UBQLN1: variants seen among roughly 807,000 people sequenced by gnomAD.
UBQLN1 encodes the protein ubiquilin-1.
In UBQLN1, 13 loss-of-function variants were observed where a neutral mutation model predicts 65.4. The observed-to-expected ratio is 0.20, with a 90% confidence interval of 0.13 to 0.32. The LOEUF is 0.32. Among genes scored for constraint, UBQLN1 ranks in the 10% least tolerant of loss-of-function variants. UBQLN1 has a pLI of 1.00. For synonymous variants in UBQLN1, 267 were observed against 247.8 expected (o/e 1.08, Z -0.73); for missense variants, 561 against 724.0 (o/e 0.77, Z 2.58).
Position 83,707,581 on chromosome 9 carries a change from C to A in UBQLN1, c.99G>T (p.Glu33Asp). The A allele has an allele frequency of 6.2e-7, 1 of 1,608,048 alleles. No homozygotes were observed. The highest frequency in any genetic ancestry group is 8.5e-7 in the Non-Finnish European group (1 of 1,177,656). Reference sequence around the variant, plus strand: ...TCACGGTGACTTTCATGATTTTGGGCTCCGCGGAGGCAGCGGCCGCGGGGG... The same window carrying A: ...TCACGGTGACTTTCATGATTTTGGGATCCGCGGAGGCAGCGGCCGCGGGGG... Reference protein sequence around the residue: ...AGAPAAAASAEPKIMKVTVKT... With the variant: ...AGAPAAAASADPKIMKVTVKT... The change falls in exon 1 of 11, where the codon GAG becomes GAT. Residue 33 changes from glutamate to aspartate, a missense_variant. This residue lies in a region of UBQLN1 where 101 missense variants were observed against 104.9 expected (regional missense o/e 0.96). Transcript: ENST00000376395.
At chr9:83,682,150 T>C (rs760201921) in intron 3 of UBQLN1, among the ~76,000 whole-genome samples, 1 of 152,050 alleles carries the variant, frequency 6.6e-6, no homozygotes, top group African/African-American at 2.4e-5. Flanking sequence ...CCGGGCGTAG[T>C]GGCACACTCC....
At chr9:83,669,863 C>T (rs1197415055) in intron 6 of UBQLN1, among the ~76,000 whole-genome samples, 1 of 152,152 alleles carries the variant, frequency 6.6e-6, no homozygotes, top group Non-Finnish European at 1.5e-5. Flanking sequence ...AGCACAGTGA[C>T]TCCAAGCAGT....
intron 4 of UBQLN1, among the ~76,000 whole-genome samples, 169 bp from the exon 5 acceptor site, chr9:83,678,768 G>T (rs1302673225): frequency 2.0e-5 from 3 of 152,006 alleles, no homozygotes; most frequent in Admixed American, 1.3e-4. Context: ...CCAGGCTGGA[G>T]TGCAGTGGCA....
At chr9:83,697,722 T>C (rs1832241789) in intron 1 of UBQLN1, among the ~76,000 whole-genome samples, 1 of 144,154 alleles carries the variant, frequency 6.9e-6, no homozygotes, top group South Asian at 2.3e-4. Flanking sequence ...CACGCGGCTA[T>C]TTTTTGTACC....
At chr9:83,681,388 A>G (rs1831937841) in intron 3 of UBQLN1, among the ~76,000 whole-genome samples, 1 of 152,232 alleles carries the variant, frequency 6.6e-6, no homozygotes, top group Non-Finnish European at 1.5e-5. Flanking sequence ...ACATCCTCAG[A>G]ACTCAATCTA....
intron 6 of UBQLN1, among the ~76,000 whole-genome samples, chr9:83,677,330 A>C (rs774910595): frequency 1.3e-5 from 2 of 152,246 alleles, no homozygotes; most frequent in Non-Finnish European, 2.9e-5. Context: ...TGGGAGGCCA[A>C]GGCAGGCGGA....
intron 7 of UBQLN1, 122 bp downstream of exon 7, chr9:83,669,063 T>C (rs545769690): frequency 1.6e-4 from 182 of 1,148,876 alleles, no homozygotes; most frequent in Middle Eastern, 5.8e-4. Flanking sequence ...AGACACAGTT[T>C]ACTTATTTTT....
rs1248384376 is a variant in UBQLN1, at chr9:83,660,677, C to G, written c.*1110G>C. The G allele has an allele frequency of 6.8e-6, 1 of 147,174 alleles. No homozygotes were observed. The highest frequency in any genetic ancestry group is 1.5e-5 in the Non-Finnish European group (1 of 67,088). The allele number at this position is 147,174 out of a possible 1,614,324, so 9.1% of individuals were successfully genotyped here. A position where few individuals can be genotyped will look rare whatever the true frequency, so the allele number is the denominator to read the frequency against. On this transcript the variant is annotated 3_prime_UTR_variant, in exon 11 of 11. Transcript: ENST00000376395. ...ATTCCGCTGCCCCACCCCCCCACCC[C>G]GTCCCCCTTTCTCTGAGGCTCTGAA...
At chr9:83,683,150 C>A (rs1012244663) in intron 2 of UBQLN1, 84 bp from the exon 3 acceptor site, 2 of 889,776 alleles carry the variant, frequency 2.2e-6, no homozygotes, top group African/African-American at 3.4e-5. Context: ...CAGTGGCTCA[C>A]GCCTGTAATC....
chr9:83,692,180 C>A (rs1460368151), intron 1 of UBQLN1, among the ~76,000 whole-genome samples: 1 of 152,114 alleles, frequency 6.6e-6, no homozygotes, highest in Non-Finnish European at 1.5e-5. Context: ...TACACTTTTC[C>A]GAATAAACCA....
At chr9:83,682,885 G>GA (rs1372794703) in intron 3 of UBQLN1, 66 bp downstream of exon 3, 1 of 779,732 alleles carries the variant, frequency 1.3e-6, no homozygotes, top group African/African-American at 1.8e-5. Context: ...CATTTTATCT[G>GA]AAACTACCCA....
At chr9:83,705,170 C>A (rs1174812644) in intron 1 of UBQLN1, among the ~76,000 whole-genome samples, 2 of 151,792 alleles carry the variant, frequency 1.3e-5, no homozygotes, top group Non-Finnish European at 2.9e-5. Flanking sequence ...AACAGGAACT[C>A]CCATGTATCT....
At chr9:83,690,367 T>G (rs980717893) in intron 1 of UBQLN1, among the ~76,000 whole-genome samples, 1 of 152,022 alleles carries the variant, frequency 6.6e-6, no homozygotes, top group Non-Finnish European at 1.5e-5. Flanking sequence ...AGTTTTTTCG[T>G]TTTTTTAAGG....
At chr9:83,675,089 T>C (rs146742366) in intron 6 of UBQLN1, among the ~76,000 whole-genome samples, 1 of 152,340 alleles carries the variant, frequency 6.6e-6, no homozygotes, top group East Asian at 1.9e-4. Flanking sequence ...AGGAGCACTG[T>C]TAACTCCTGT....
At chr9:83,690,776 A>G (rs1832114072) in intron 1 of UBQLN1, among the ~76,000 whole-genome samples, 1 of 151,570 alleles carries the variant, frequency 6.6e-6, no homozygotes, top group South Asian at 2.1e-4. Context: ...AAACATCAAG[A>G]AGTCGAAACA....
chr9:83,663,794 T>G, intron 10 of UBQLN1, 81 bp downstream of exon 10: 3 of 1,472,806 alleles, frequency 2.0e-6, no homozygotes, highest in Non-Finnish European at 2.8e-6. Flanking sequence ...TTTCCTTTTT[T>G]CTCCCTTTTT....
chr9:83,669,087 A>T, intron 7 of UBQLN1, 98 bp downstream of exon 7: 2 of 1,370,956 alleles, frequency 1.5e-6, no homozygotes, highest in Non-Finnish European at 2.0e-6. Context: ...GTGTATTAAG[A>T]TATCATACAC....
chr9:83,684,888 A>G (rs1304117354), intron 2 of UBQLN1, among the ~76,000 whole-genome samples: 2 of 151,620 alleles, frequency 1.3e-5, no homozygotes, highest in African/African-American at 4.9e-5. Flanking sequence ...AATGCCACTC[A>G]TTGCTTCTTT....
chr9:83,666,097 C>A (rs1424897843), intron 8 of UBQLN1, among the ~76,000 whole-genome samples: 1 of 150,896 alleles, frequency 6.6e-6, no homozygotes, highest in Non-Finnish European at 1.5e-5. Flanking sequence ...ACAAAGCATT[C>A]AAAATCCTAG....
Sources: allele counts gnomAD v4.1 joint callset (sites outside exome capture counted in the v4.1 genomes callset), GRCh38; gene constraint gnomAD v4.1.1; regional missense constraint gnomAD v4.1.1; transcripts MANE v1.5; gene names NCBI Gene and HGNC (gene_info 2026-07-23, HGNC 2026-07-21).